Variants in KATNBL1 observed in about 807,000 individuals in gnomAD.
KATNBL1 encodes the protein katanin regulatory subunit B1 like 1, also known as KATNB1-like protein 1.
KATNBL1 carries 28 observed loss-of-function variants against 44.7 expected under a neutral mutation model. The observed-to-expected ratio is 0.63, with a 90% CI of 0.46 to 0.86. KATNBL1 has a LOEUF of 0.86. Ranked by LOEUF, KATNBL1 falls within the 40% of genes least tolerant of loss-of-function variation. KATNBL1 has a pLI of 0.00. For synonymous variants in KATNBL1, 78 were observed against 114.9 expected (o/e 0.68, Z 2.06); for missense variants, 272 against 350.7 (o/e 0.78, Z 1.79).
chr15:34,167,890 A>G (rs1889031460), intron 1 of KATNBL1, among the ~76,000 whole-genome samples: 1 of 152,218 alleles, frequency 6.6e-6, no homozygotes, highest in Non-Finnish European at 1.5e-5. Flanking sequence ...GCAAATACCA[A>G]GAGATTTTGT....
intron 1 of KATNBL1, among the ~76,000 whole-genome samples, chr15:34,191,100 T>C (rs1315239182): frequency 1.3e-5 from 2 of 150,866 alleles, no homozygotes; most frequent in Non-Finnish European, 3.0e-5. Context: ...ACCACTTGAA[T>C]GTATTTCTGT....
rs139942291 is a variant in KATNBL1 at position 34,165,637 on chromosome 15, A to T, written c.-14-1947T>A. 1.6e-3 allele frequency among the ~76,000 whole-genome samples: 243 copies of T among 152,176 alleles called. 1 individual carries two copies. Among genetic ancestry groups the T allele is most frequent in the East Asian group, 0.013 (65 of 5,170 alleles). ...CATGGTGAAACCCTGTCTCTACAAA[A>T]ATACAAACATTAGCAGGGCGTGGTG... On this transcript the variant is annotated intron_variant, in intron 1 of 9. Coordinates refer to ENST00000256544, the MANE Select transcript of KATNBL1 (RefSeq NM_024713.3).
In KATNBL1 at chr15:34,181,817, TGTCC is replaced by T. The variant is rs1436326915; in HGVS notation, c.-14-18131_-14-18128del. On this transcript the variant is annotated intron_variant, in intron 1 of 9. Coordinates refer to ENST00000256544, the MANE Select transcript of KATNBL1 (RefSeq NM_024713.3). ...ATATCCATATATATACATATATACA[TGTCC>T]ATATATATCCATATATATACACATA... 1.2e-4 allele frequency among the ~76,000 whole-genome samples: 14 copies of T among 117,996 alleles called. 2 individuals carry two copies. Among genetic ancestry groups the T allele is most frequent in the African/African-American group, 3.2e-4 (10 of 30,898 alleles). The allele number at this position is 117,996 out of a possible 152,430, so 77.4% of individuals were successfully genotyped here.
At chr15:34,151,775 G>A (rs1266862649) in intron 4 of KATNBL1, among the ~76,000 whole-genome samples, 1 of 151,916 alleles carries the variant, frequency 6.6e-6, no homozygotes, top group Non-Finnish European at 1.5e-5. Flanking sequence ...GCCAGGCCCA[G>A]TTTTAGAATA....
intron 1 of KATNBL1, among the ~76,000 whole-genome samples, chr15:34,206,712 AC>A (rs879510271): frequency 1.4e-4 from 21 of 151,324 alleles, no homozygotes; most frequent in Non-Finnish European, 2.9e-4. Flanking sequence ...AATAGCTTGA[AC>A]CCGGGAGGTG....
chr15:34,152,337 G>A (rs1888505769), intron 4 of KATNBL1, among the ~76,000 whole-genome samples: 1 of 152,070 alleles, frequency 6.6e-6, no homozygotes, highest in African/African-American at 2.4e-5. Flanking sequence ...CTGAGTAGCT[G>A]GGATTACAGG....
intron 1 of KATNBL1, among the ~76,000 whole-genome samples, chr15:34,197,137 G>C (rs1238249752): frequency 1.3e-5 from 2 of 152,184 alleles, no homozygotes; most frequent in Non-Finnish European, 1.5e-5. Flanking sequence ...GATAACACAA[G>C]ATTCTGTCTT....
intron 1 of KATNBL1, among the ~76,000 whole-genome samples, chr15:34,172,738 GACACATAGACACACAGACACAGACAC>G (rs1889203766): frequency 1.5e-5 from 2 of 135,730 alleles, no homozygotes; most frequent in Non-Finnish European, 3.1e-5. Flanking sequence ...CAGACACACA[GACACATAGACACACAGACACAGACAC>G]ACACACACAC....
At chr15:34,187,172 C>T (rs940298542) in intron 1 of KATNBL1, among the ~76,000 whole-genome samples, 2 of 152,182 alleles carry the variant, frequency 1.3e-5, no homozygotes, top group Admixed American at 6.5e-5. Context: ...ATGCTGCAGA[C>T]GACCAGGCGG....
intron 2 of KATNBL1, among the ~76,000 whole-genome samples, chr15:34,158,611 G>C (rs1644705558): frequency 6.6e-6 from 1 of 151,870 alleles, no homozygotes; most frequent in African/African-American, 2.4e-5. Context: ...TGAAGACCTT[G>C]TTTGCTCCAA....
At chr15:34,166,205 T>C (rs1888966938) in intron 1 of KATNBL1, 2 of 152,270 alleles carry the variant, frequency 1.3e-5, no homozygotes, top group African/African-American at 4.8e-5. Flanking sequence ...TGACAGACTC[T>C]ACCTGGAAAA....
rs577034281 is a variant in KATNBL1, at chr15:34,141,193, G to A, written c.*1146C>T. On this transcript the variant is annotated 3_prime_UTR_variant, in exon 10 of 10. Coordinates refer to ENST00000256544, the MANE Select transcript of KATNBL1 (RefSeq NM_024713.3). ...AATTTGGTTCACTGACACTAAAAGTGGTATTTTAAAAAAAGACCTCATACA... is the reference window on the plus strand; with the variant it reads ...AATTTGGTTCACTGACACTAAAAGTAGTATTTTAAAAAAAGACCTCATACA... 6.6e-6 allele frequency: 1 copy of A among 152,444 alleles called. No individual in the cohort carries two copies. The highest frequency in any genetic ancestry group is 6.6e-5 in the Admixed American group (1 of 15,250). The allele number at this position is 152,444 out of a possible 1,614,324, so 9.4% of individuals were successfully genotyped here.
At chr15:34,171,745 A>G (rs562901230) in intron 1 of KATNBL1, among the ~76,000 whole-genome samples, 1 of 152,330 alleles carries the variant, frequency 6.6e-6, no homozygotes, top group South Asian at 2.1e-4. Flanking sequence ...ATCATGGAAT[A>G]CTACGCAGCC....
intron 1 of KATNBL1, among the ~76,000 whole-genome samples, chr15:34,201,803 T>C (rs1047735243): frequency 6.6e-6 from 1 of 152,192 alleles, no homozygotes; most frequent in African/African-American, 2.4e-5. Flanking sequence ...GGGTTCAGCA[T>C]CTGTGGATTC....
At position 34,178,712 on chromosome 15, in the gene KATNBL1, T is replaced by C. The variant is rs552814241; in HGVS notation, c.-14-15022A>G. Among the ~76,000 whole-genome samples the C allele has an allele frequency of 2.1e-3, 295 of 138,158 alleles. 3 individuals carry two copies. The highest frequency in any genetic ancestry group is 4.6e-3 in the Middle Eastern group (1 of 216). The allele number at this position is 138,158 out of a possible 152,430, so 90.6% of individuals were successfully genotyped here. Reference sequence around the variant, plus strand: ...CGGAGCTTGCAGTGAGCTGAGATCGTGCCACTGCACTCCAGCCTGGGCGAC... The same window carrying C: ...CGGAGCTTGCAGTGAGCTGAGATCGCGCCACTGCACTCCAGCCTGGGCGAC... On this transcript the variant is annotated intron_variant, in intron 1 of 9. Transcript: ENST00000256544.
At chr15:34,209,123 A>C (rs2140571693) in intron 1 of KATNBL1, 1 of 152,348 alleles carries the variant, frequency 6.6e-6, no homozygotes, top group Non-Finnish European at 1.5e-5. Context: ...GCCAAGTAAA[A>C]GCCTCAATGG....
At chr15:34,199,728 C>T (rs77598413) in intron 1 of KATNBL1, 15,643 of 152,204 alleles carry the variant, frequency 0.1, 1,047 homozygotes, top group Non-Finnish European at 0.15. Context: ...GTAGTCTGGC[C>T]GAATTCAAGA....
At chr15:34,148,292 T>C (rs1888368275) in intron 5 of KATNBL1, 2 of 161,742 alleles carry the variant, frequency 1.2e-5, no homozygotes, top group South Asian at 3.5e-4. Flanking sequence ...CTTAGATGGG[T>C]GAGGAATGTA....
intron 1 of KATNBL1, among the ~76,000 whole-genome samples, chr15:34,173,976 GAACA>G (rs768216632): frequency 7.2e-5 from 11 of 152,130 alleles, no homozygotes; most frequent in South Asian, 2.1e-4. Flanking sequence ...CAAAACAAAT[GAACA>G]AACAAACAAA....
Sources: gnomAD v4.1 joint callset for allele counts (sites outside exome capture counted in the v4.1 genomes callset) on GRCh38, gnomAD v4.1.1 for gene constraint, MANE v1.5 for transcripts, NCBI Gene and HGNC (gene_info 2026-07-23, HGNC 2026-07-21) for gene names.